The following COX19 variants were observed in gnomAD, a reference collection of about 807,000 sequenced individuals.
COX19 encodes the protein cytochrome c oxidase assembly protein COX19.
COX19 carries 8 observed loss-of-function variants against 6.8 expected under a neutral mutation model. The observed-to-expected ratio is 1.18, with a 90% confidence interval of 0.69 to 2.12. The LOEUF (loss-of-function observed/expected upper bound fraction) is 2.12. COX19 is among the 30% of genes most tolerant of loss of function. COX19 has a pLI of 0.00. For synonymous variants in COX19, 51 were observed against 38.0 expected (o/e 1.34, Z -1.26); for missense variants, 131 against 104.6 (o/e 1.25, Z -1.10).
rs1847590284 is a variant in COX19, at chr7:968,476, A to T, written c.*902T>A. 1 of 152,472 alleles carries T rather than the reference A, an allele frequency of 6.6e-6. No individual in the cohort carries two copies. Among genetic ancestry groups the T allele is most frequent in the East Asian group, 1.9e-4 (1 of 5,192 alleles). 9.4% of individuals were successfully genotyped at this position (152,472 alleles called of 1,614,324 possible). A position where few individuals can be genotyped will look rare whatever the true frequency, so the allele number is the denominator to read the frequency against. On this transcript the variant is annotated 3_prime_UTR_variant, in exon 3 of 3. Transcript: ENST00000344111. ...AGCCCCTTTCCGACAGTGCCTGGGA[A>T]GGAGACAGGTCTGGCTGAGGCCCCA...
chr7:969,873 C>T (rs2128117049), intron 2 of COX19, among the ~76,000 whole-genome samples: 1 of 152,268 alleles, frequency 6.6e-6, no homozygotes, highest in African/African-American at 2.4e-5. Flanking sequence ...GTGCCTGCCA[C>T]TGTCCACGGC....
intron 2 of COX19, among the ~76,000 whole-genome samples, chr7:971,744 G>A (rs770243592): frequency 2.6e-5 from 4 of 152,132 alleles, no homozygotes; most frequent in East Asian, 1.9e-4. Flanking sequence ...GGTGGCAGGC[G>A]CCTGTAGTCC....
intron 1 of COX19, among the ~76,000 whole-genome samples, chr7:974,559 G>C (rs1847678091): frequency 6.6e-6 from 1 of 152,216 alleles, no homozygotes; most frequent in Non-Finnish European, 1.5e-5. Context: ...ATGGTCACAG[G>C]AGAGTTCAGG....
In COX19 at chr7:969,187, C is replaced by A. The variant is rs982538136; in HGVS notation, c.*191G>T. On this transcript the variant is annotated 3_prime_UTR_variant, in exon 3 of 3. Coordinates refer to ENST00000344111, the MANE Select transcript of COX19 (RefSeq NM_001031617.3). ...CGCCGTCCCACTCAGGGGTTCAATG[C>A]AGAAACACCCTCCTAAGGGAAAACG... 6.7e-6 allele frequency: 4 copies of A among 597,534 alleles called. No homozygotes were observed. Among genetic ancestry groups the A allele is most frequent in the Non-Finnish European group, 1.2e-5 (4 of 335,744 alleles). 37.0% of individuals were successfully genotyped at this position (597,534 alleles called of 1,614,324 possible). A position where few individuals can be genotyped will look rare whatever the true frequency, so the allele number is the denominator to read the frequency against.
Position 968,126 on chromosome 7 carries a change from G to C in COX19, c.*1252C>G, listed in dbSNP as rs547460902. 1 of 152,364 alleles carries C rather than the reference G, an allele frequency of 6.6e-6. No individual in the cohort carries two copies. Among genetic ancestry groups the C allele is most frequent in the East Asian group, 1.9e-4 (1 of 5,202 alleles). 9.4% of individuals were successfully genotyped at this position (152,364 alleles called of 1,614,324 possible). ...AGGTGGTAGAACCCATGGGTGCAGG[G>C]ACACAGGGTTGGGCGGGCCCAGCCG... On this transcript the variant is annotated 3_prime_UTR_variant, in exon 3 of 3. Coordinates refer to ENST00000344111, the MANE Select transcript of COX19 (RefSeq NM_001031617.3).
rs775150357 is a variant in COX19, at chr7:975,498, G to A, written c.12C>T (p.Ala4=). 13 of 1,603,736 alleles carry A rather than the reference G, an allele frequency of 8.1e-6. No homozygotes were observed. In the Admixed American group the frequency reaches 1.5e-4, roughly 19 times the overall value. Residue 4 remains alanine, a synonymous_variant, in exon 1 of 3, where the codon GCC becomes GCT. Coordinates refer to ENST00000344111, the MANE Select transcript of COX19 (RefSeq NM_001031617.3). MST[A]MNFGTKSFQP... Reference sequence around the variant, plus strand: ...GGAAGCTCTTGGTCCCGAAATTCATGGCGGTCGACATGTTGGCGACTCCGG... The same window carrying A: ...GGAAGCTCTTGGTCCCGAAATTCATAGCGGTCGACATGTTGGCGACTCCGG...
chr7:969,584 CCCTCGG>C (rs1213173857), intron 2 of COX19, 128 bp from the exon 3 acceptor site: 1 of 704,448 alleles, frequency 1.4e-6, no homozygotes, highest in Admixed American at 2.3e-5. Flanking sequence ...GGAGAGTGGC[CCCTCGG>C]CCTCGGCCCC....
intron 1 of COX19, among the ~76,000 whole-genome samples, chr7:974,393 G>A (rs1165965044): frequency 6.6e-6 from 1 of 152,130 alleles, no homozygotes. Context: ...TTGCACCACT[G>A]CACTCCAGCC....
At chr7:969,727 C>T (rs1190255088) in intron 2 of COX19, among the ~76,000 whole-genome samples, 4 of 152,142 alleles carry the variant, frequency 2.6e-5, no homozygotes, top group African/African-American at 2.4e-5. Context: ...GCACCCGCTG[C>T]CCCCAGCACA....
intron 1 of COX19, among the ~76,000 whole-genome samples, chr7:974,039 CAAT>C (rs1247317551): frequency 6.8e-6 from 1 of 146,612 alleles, no homozygotes; most frequent in African/African-American, 2.5e-5. Context: ...AATAAAAAAA[CAAT>C]AATAATTAGC....
rs1376219836 is a variant in COX19, at chr7:965,962, C to G, written c.*3416G>C. 3 of 152,142 alleles carry G rather than the reference C, an allele frequency of 2.0e-5. No individual in the cohort carries two copies. Among genetic ancestry groups the G allele is most frequent in the Non-Finnish European group, 4.4e-5 (3 of 68,048 alleles). 9.4% of individuals were successfully genotyped at this position (152,142 alleles called of 1,614,324 possible). On this transcript the variant is annotated 3_prime_UTR_variant, in exon 3 of 3. Transcript: ENST00000344111. ...GCCCGCTGAGGGTTGTAATCTGCAC[C>G]TGTCACCAGTGTGGTTTCTGCAACA... is the stretch of plus-strand genomic sequence containing the variant.
intron 2 of COX19, 55 bp downstream of exon 2, chr7:973,126 A>G: frequency 7.8e-7 from 1 of 1,276,294 alleles, no homozygotes; most frequent in South Asian, 1.8e-5. Flanking sequence ...CAGGAAAAAA[A>G]AAGTTTTAAT....
intron 2 of COX19, among the ~76,000 whole-genome samples, chr7:969,690 CTCTTGGGATG>C (rs990584804): frequency 2.3e-4 from 35 of 152,234 alleles, no homozygotes; most frequent in African/African-American, 8.2e-4. Context: ...GGCCTGGGGC[CTCTTGGGATG>C]TCCAAGAGGG....
At chr7:970,915 T>TA (rs1357302837) in intron 2 of COX19, among the ~76,000 whole-genome samples, 1 of 152,198 alleles carries the variant, frequency 6.6e-6, no homozygotes, top group Non-Finnish European at 1.5e-5. Flanking sequence ...GCAGCCATCT[T>TA]AGAGGCGTGA....
At chr7:975,223 G>A (rs918581848) in intron 1 of COX19, 4 of 429,034 alleles carry the variant, frequency 9.3e-6, no homozygotes, top group Non-Finnish European at 1.7e-5. Context: ...CCCTCGTCAC[G>A]GGGGCCACGG....
rs1177288732 is a variant in COX19 at position 969,404 on chromosome 7, T to C, written c.247A>G (p.Ser83Gly). Residue 83 changes from serine to glycine, a missense_variant, in exon 3 of 3, where the codon AGT (serine) becomes GGT (glycine). Ser to Gly is a moderately conservative substitution (Grantham distance 56). Coordinates refer to ENST00000344111, the MANE Select transcript of COX19 (RefSeq NM_001031617.3). ...CATTTTTTTGCCTCTGATTTTCCAC[T>C]AGTCAAGTCTCCAAATCCCAGTTTC... ...LEKLGFGDLT[S>G]GKSEAKK The C allele has an allele frequency of 6.2e-7, 1 of 1,610,988 alleles. No individual in the cohort carries two copies. Among genetic ancestry groups the C allele is most frequent in the Non-Finnish European group, 8.5e-7 (1 of 1,177,316 alleles).
In COX19 at chr7:969,360, G is replaced by C; in HGVS notation, c.*18C>G. The C allele has an allele frequency of 6.5e-7, 1 of 1,528,088 alleles. No individual in the cohort carries two copies. The highest frequency in any genetic ancestry group is 9.1e-7 in the Non-Finnish European group (1 of 1,101,564). 94.7% of individuals were successfully genotyped at this position (1,528,088 alleles called of 1,614,324 possible). A position where few individuals can be genotyped will look rare whatever the true frequency, so the allele number is the denominator to read the frequency against. ...TGAGAGACCACTGAACACGGCCCAG[G>C]GGTCTTCTCATCAAAATTCATTTTT... is the stretch of plus-strand genomic sequence containing the variant. On this transcript the variant is annotated 3_prime_UTR_variant, in exon 3 of 3. Transcript: ENST00000344111.
Position 968,976 on chromosome 7 carries a change from C to G in COX19, c.*402G>C, listed in dbSNP as rs1847597510. ...ATACGAATACAAACACGAAAACATC[C>G]TGCTAGGGAATGGTAATTTTCTGAT... On this transcript the variant is annotated 3_prime_UTR_variant, in exon 3 of 3. Coordinates refer to ENST00000344111, the MANE Select transcript of COX19 (RefSeq NM_001031617.3). 6.3e-6 allele frequency: 1 copy of G among 159,434 alleles called. No individual in the cohort carries two copies. The highest frequency in any genetic ancestry group is 6.4e-5 in the Admixed American group (1 of 15,572). The allele number at this position is 159,434 out of a possible 1,614,324, so 9.9% of individuals were successfully genotyped here. A position where few individuals can be genotyped will look rare whatever the true frequency, so the allele number is the denominator to read the frequency against.
intron 2 of COX19, among the ~76,000 whole-genome samples, chr7:971,857 T>A (rs888714909): frequency 6.6e-6 from 1 of 151,956 alleles, no homozygotes; most frequent in Non-Finnish European, 1.5e-5. Flanking sequence ...GGCGACAGAG[T>A]GAGACTCCGT....
Sources: gnomAD v4.1 joint callset for allele counts (sites outside exome capture counted in the v4.1 genomes callset) on GRCh38, gnomAD v4.1.1 for gene constraint, MANE v1.5 for transcripts, NCBI Gene and HGNC (gene_info 2026-07-23, HGNC 2026-07-21) for gene names.